Variants in WIPI1 observed in about 807,000 individuals in gnomAD.
WIPI1 encodes WD repeat domain phosphoinositide-interacting protein 1.
A neutral mutation model predicts 55.3 loss-of-function variants in WIPI1; 45 were observed. The ratio of observed to expected loss-of-function variants is 0.81; its 90% CI spans 0.64 to 1.04. The LOEUF (loss-of-function observed/expected upper bound fraction) is 1.04. WIPI1 is among the 50% of genes least tolerant of loss of function. The pLI is 0.00. For missense variants in WIPI1, 445 were observed against 559.0 expected, an observed-to-expected ratio of 0.80 and a Z score of 2.06; for synonymous variants, 195 against 217.6, an observed-to-expected ratio of 0.90 and a Z score of 0.92.
chr17:68,428,038 T>G (rs140871827), intron 10 of WIPI1, among the ~76,000 whole-genome samples: 5,665 of 151,786 alleles, frequency 0.037, 367 homozygotes, highest in African/African-American at 0.13. Flanking sequence ...CTACAAGGCA[T>G]GTACCACCAT....
At chr17:68,446,580 G>C (rs548604187) in intron 3 of WIPI1, among the ~76,000 whole-genome samples, 37 of 152,280 alleles carry the variant, frequency 2.4e-4, no homozygotes, top group Middle Eastern at 3.4e-3. Context: ...ATAAATATGA[G>C]TGTTCCTCTG....
At chr17:68,425,668 C>G (rs1160027052) in intron 12 of WIPI1, among the ~76,000 whole-genome samples, 4 of 152,146 alleles carry the variant, frequency 2.6e-5, no homozygotes, top group Non-Finnish European at 5.9e-5. Context: ...TGAAACCATC[C>G]CCTCCAGCAC....
rs1372861306 is a variant in WIPI1, at chr17:68,452,898, A to T, written c.163+12T>A. On this transcript the variant is annotated intron_variant, in intron 2 of 12. Coordinates refer to ENST00000262139, the MANE Select transcript of WIPI1 (RefSeq NM_017983.7). ...CCTGCAGATCCCTGAGGTCTCTCTCACACACACTTACTGCTTCCGTGGACT... is the reference window on the plus strand; with the variant it reads ...CCTGCAGATCCCTGAGGTCTCTCTCTCACACACTTACTGCTTCCGTGGACT... 3 of 1,612,544 alleles carry T rather than the reference A, an allele frequency of 1.9e-6. No individual in the cohort carries two copies. Among genetic ancestry groups the T allele is most frequent in the Non-Finnish European group, 2.5e-6 (3 of 1,179,218 alleles).
intron 12 of WIPI1, among the ~76,000 whole-genome samples, chr17:68,422,903 G>C (rs998276232): frequency 6.6e-6 from 1 of 152,106 alleles, no homozygotes; most frequent in Non-Finnish European, 1.5e-5. Flanking sequence ...AGCTTTCTAA[G>C]GCACCAGAAA....
intron 4 of WIPI1, among the ~76,000 whole-genome samples, chr17:68,438,686 C>T (rs1467510304): frequency 2.6e-5 from 4 of 152,206 alleles, no homozygotes; most frequent in Admixed American, 2.0e-4. Flanking sequence ...CTGCAACCTC[C>T]GCCTCTTTGG....
At chr17:68,441,363 AGTTTATG>A (rs2084068929) in intron 4 of WIPI1, among the ~76,000 whole-genome samples, 1 of 152,260 alleles carries the variant, frequency 6.6e-6, no homozygotes, top group Non-Finnish European at 1.5e-5. Flanking sequence ...ATTTACTTGT[AGTTTATG>A]AAGTCAAAAT....
rs114126955 is a variant in WIPI1, at chr17:68,423,570, C to T, written c.1294-1750G>A. Among the ~76,000 whole-genome samples, 2,567 of 152,254 alleles carry T rather than the reference C, an allele frequency of 0.017. 80 individuals carry two copies. The highest frequency in any genetic ancestry group is 0.059 in the African/African-American group (2,451 of 41,536). Reference sequence around the variant, plus strand: ...TCTCACTGGCAGGAAGTATTTCTTGCGTATAAATAAGAATTCCTGATGCAA... The same window carrying T: ...TCTCACTGGCAGGAAGTATTTCTTGTGTATAAATAAGAATTCCTGATGCAA... On this transcript the variant is annotated intron_variant, in intron 12 of 12. Transcript: ENST00000262139. This position sits in a 1 kb window ranked among gnomAD's most constrained non-coding sequence, Gnocchi z 4.4.
rs925708625 is a variant in WIPI1, at chr17:68,423,022, G to T, written c.1294-1202C>A. On this transcript the variant is annotated intron_variant, in intron 12 of 12. Transcript: ENST00000262139. This position sits in a 1 kb window ranked among gnomAD's most constrained non-coding sequence, Gnocchi z 4.4. ...AGTATGTGTTCTGAAAAGATCACTA[G>T]TGATGACCCGCGTTCTTAAGGCAGC... is the stretch of plus-strand genomic sequence containing the variant. Among the ~76,000 whole-genome samples the T allele has an allele frequency of 6.6e-6, 1 of 152,192 alleles. No homozygotes were observed. The highest frequency in any genetic ancestry group is 1.5e-5 in the Non-Finnish European group (1 of 68,038).
At chr17:68,436,658 T>C (rs1231337193) in intron 4 of WIPI1, among the ~76,000 whole-genome samples, 179 bp from the exon 5 acceptor site, 2 of 152,166 alleles carry the variant, frequency 1.3e-5, no homozygotes, top group African/African-American at 4.8e-5. Flanking sequence ...ATAAAGCAAC[T>C]TCACAGGGGA....
At chr17:68,449,851 A>G (rs565878588) in intron 3 of WIPI1, among the ~76,000 whole-genome samples, 2 of 152,184 alleles carry the variant, frequency 1.3e-5, no homozygotes, top group Admixed American at 1.3e-4. Context: ...ATATAAAAAA[A>G]TACAGAAAAA....
At chr17:68,434,126 G>A (rs1458097036) in intron 7 of WIPI1, among the ~76,000 whole-genome samples, 1 of 152,132 alleles carries the variant, frequency 6.6e-6, no homozygotes, top group Non-Finnish European at 1.5e-5. Flanking sequence ...GTCAGCAGAA[G>A]GGAGGAACTG....
intron 9 of WIPI1, among the ~76,000 whole-genome samples, chr17:68,429,230 C>T (rs938290610): frequency 6.6e-6 from 1 of 152,180 alleles, no homozygotes; most frequent in African/African-American, 2.4e-5. Flanking sequence ...CTACATGGGA[C>T]GCAGTCTCCC....
intron 8 of WIPI1, among the ~76,000 whole-genome samples, chr17:68,431,943 G>A (rs1319708182): frequency 1.3e-5 from 2 of 152,154 alleles, no homozygotes; most frequent in South Asian, 2.1e-4. Context: ...GGGGTTGAAC[G>A]GCATCTTAAC....
chr17:68,426,250 G>GGGGGGGGGGT, intron 11 of WIPI1, 75 bp from the exon 12 acceptor site: 1 of 828,054 alleles, frequency 1.2e-6, no homozygotes, highest in South Asian at 1.3e-5. Flanking sequence ...GGTGGGGAGC[G>GGGGGGGGGGT]GGGGCTCAAA....
At chr17:68,438,268 T>C (rs989562436) in intron 4 of WIPI1, among the ~76,000 whole-genome samples, 1 of 152,212 alleles carries the variant, frequency 6.6e-6, no homozygotes, top group Non-Finnish European at 1.5e-5. Flanking sequence ...CCTTTGGCGA[T>C]ACAAGGTCAT....
At chr17:68,445,195 T>C (rs2084237292) in intron 3 of WIPI1, among the ~76,000 whole-genome samples, 1 of 151,902 alleles carries the variant, frequency 6.6e-6, no homozygotes, top group Admixed American at 6.6e-5. Context: ...GCTGGGATGA[T>C]AGGCCTGAGC....
intron 3 of WIPI1, among the ~76,000 whole-genome samples, chr17:68,449,048 C>A (rs2084394449): frequency 6.6e-6 from 1 of 152,172 alleles, no homozygotes; most frequent in Non-Finnish European, 1.5e-5. Context: ...TCCCTTCCTT[C>A]TCATAAATTT....
chr17:68,435,571 G>A, intron 6 of WIPI1, 49 bp downstream of exon 6: 2 of 1,576,404 alleles, frequency 1.3e-6, no homozygotes, highest in Non-Finnish European at 1.7e-6. Context: ...CGCACGGCAG[G>A]AGCCATCCAG....
At position 68,423,834 on chromosome 17, in the gene WIPI1, C is replaced by T. The variant is rs1018635785; in HGVS notation, c.1294-2014G>A. ...TCCTAGATACTAATATCCACATTAC[C>T]CCAATTCTGTAACTATAAGAGGTTG... On this transcript the variant is annotated intron_variant, in intron 12 of 12. Coordinates refer to ENST00000262139, the MANE Select transcript of WIPI1 (RefSeq NM_017983.7). This position sits in a 1 kb window ranked among gnomAD's most constrained non-coding sequence, Gnocchi z 4.4. Among the ~76,000 whole-genome samples, 1 of 152,130 alleles carries T rather than the reference C, an allele frequency of 6.6e-6. No individual in the cohort carries two copies. Among genetic ancestry groups the T allele is most frequent in the Non-Finnish European group, 1.5e-5 (1 of 68,022 alleles).
Sources: gnomAD v4.1 joint callset for allele counts (sites outside exome capture counted in the v4.1 genomes callset) on GRCh38, gnomAD v4.1.1 for gene constraint, Gnocchi (gnomAD v3.1) non-coding constraint, MANE v1.5 for transcripts, NCBI Gene and HGNC (gene_info 2026-07-23, HGNC 2026-07-21) for gene names.